NAPG: variants seen among roughly 807,000 people sequenced by gnomAD.
The protein encoded by NAPG is gamma-soluble NSF attachment protein.
In NAPG, 25 loss-of-function variants were observed where a neutral mutation model predicts 48.4. That is an observed-to-expected ratio of 0.52 (90% confidence interval 0.38 to 0.72). NAPG has a LOEUF of 0.72. Ranked by LOEUF, NAPG falls within the 30% of genes least tolerant of loss-of-function variation. The pLI, the probability that NAPG is intolerant of heterozygous loss-of-function variation, is 0.00. For missense variants in NAPG, 359 were observed against 372.5 expected, an observed-to-expected ratio of 0.96 and a Z score of 0.30; for synonymous variants, 139 against 127.2, an observed-to-expected ratio of 1.09 and a Z score of -0.62.
At position 10,544,940 on chromosome 18, in the gene NAPG, AGC is replaced by A. The variant is rs1344508368; in HGVS notation, c.507-1385_507-1384del. 1.3e-5 allele frequency among the ~76,000 whole-genome samples: 2 copies of A among 152,174 alleles called. No homozygotes were observed. The highest frequency in any genetic ancestry group is 2.4e-5 in the African/African-American group (1 of 41,438). On this transcript the variant is annotated intron_variant, in intron 8 of 11. Coordinates refer to ENST00000322897, the MANE Select transcript of NAPG (RefSeq NM_003826.3). This position sits in a 1 kb window ranked among gnomAD's most constrained non-coding sequence, Gnocchi z 5.1. Reference sequence around the variant, plus strand: ...ATTCAGTTTAACTCATGATGTAAGTAGCCATAATAGCATAAGCCAAGCCACTG... The same window carrying A: ...ATTCAGTTTAACTCATGATGTAAGTACATAATAGCATAAGCCAAGCCACTG...
At chr18:10,536,878 G>A (rs1253207886) in intron 5 of NAPG, among the ~76,000 whole-genome samples, 1 of 152,060 alleles carries the variant, frequency 6.6e-6, no homozygotes, top group Non-Finnish European at 1.5e-5. Flanking sequence ...AACTACCCAA[G>A]GGTTGGGATG....
chr18:10,527,401 A>C (rs545196858), intron 1 of NAPG, among the ~76,000 whole-genome samples: 1 of 152,170 alleles, frequency 6.6e-6, no homozygotes, highest in African/African-American at 2.4e-5. Context: ...CAAACAGTGG[A>C]AAAACTCAAG....
At chr18:10,537,043 A>G (rs1416962059) in intron 5 of NAPG, among the ~76,000 whole-genome samples, 2 of 151,468 alleles carry the variant, frequency 1.3e-5, no homozygotes, top group African/African-American at 4.9e-5. Context: ...TGCAGCCTCA[A>G]CCTCCTGGGC....
rs1407080124 is a variant in NAPG at position 10,548,806 on chromosome 18, G to A, written c.666-161G>A. ...TCCTGTGCACTGTAGGCTGGTTAGC[G>A]GGATCCCCGGTCTCTGCCCTCTAGA... On this transcript the variant is annotated intron_variant, in intron 10 of 11. Coordinates refer to ENST00000322897, the MANE Select transcript of NAPG (RefSeq NM_003826.3). This position sits in a 1 kb window ranked among gnomAD's most constrained non-coding sequence, Gnocchi z 4.4. 2.0e-5 allele frequency among the ~76,000 whole-genome samples: 3 copies of A among 151,984 alleles called. No individual in the cohort carries two copies. The highest frequency in any genetic ancestry group is 2.9e-5 in the Non-Finnish European group (2 of 67,986).
At chr18:10,537,096 A>G (rs1320266804) in intron 5 of NAPG, among the ~76,000 whole-genome samples, 2 of 152,002 alleles carry the variant, frequency 1.3e-5, no homozygotes, top group Non-Finnish European at 2.9e-5. Flanking sequence ...AGCTGGGACT[A>G]TAGGTGCATG....
chr18:10,545,237 G>A (rs1007226350), intron 8 of NAPG, among the ~76,000 whole-genome samples: 3 of 152,104 alleles, frequency 2.0e-5, no homozygotes, highest in South Asian at 2.1e-4. Context: ...ACTTGAACCC[G>A]GGAGGCAGAG....
Position 10,526,246 on chromosome 18 carries a change from G to GGGGGGGGGGCC in NAPG, c.56+88_56+89insGGGGGGGGGCC. 1.4e-5 allele frequency: 7 copies of GGGGGGGGGGCC among 490,172 alleles called. No individual in the cohort carries two copies. In the East Asian group the frequency reaches 1.7e-4, roughly 12 times the overall value. 30.4% of individuals were successfully genotyped at this position (490,172 alleles called of 1,614,324 possible). On this transcript the variant is annotated intron_variant, in intron 1 of 11. Transcript: ENST00000322897. ...CTTAGCACCCGGGGGGGGCGGGAGG[G>GGGGGGGGGGCC]AGGGCTCAGGGCTGAGGGGCCTCGG...
chr18:10,532,357 C>G (rs1383713844), intron 2 of NAPG, among the ~76,000 whole-genome samples: 2 of 152,106 alleles, frequency 1.3e-5, no homozygotes, highest in African/African-American at 4.8e-5. Context: ...AAAGGTAAAA[C>G]TGGTGAAGTA....
chr18:10,545,885 G>C (rs560687999), intron 8 of NAPG, among the ~76,000 whole-genome samples: 1 of 152,354 alleles, frequency 6.6e-6, no homozygotes, highest in African/African-American at 2.4e-5. Context: ...TAGGGCCACT[G>C]GGGCAGCAGC....
At chr18:10,549,868 T>C (rs2032349991) in intron 11 of NAPG, among the ~76,000 whole-genome samples, 1 of 152,188 alleles carries the variant, frequency 6.6e-6, no homozygotes, top group Admixed American at 6.5e-5. Context: ...AAAAAAAATT[T>C]ATAATTGAAA....
Position 10,539,652 on chromosome 18 carries a change from A to G in NAPG, c.259-110A>G, listed in dbSNP as rs1174650710. ...TATGTAACAAACCTGCACATTCTGC[A>G]CATGTGTCCCAGAACTTAAAATAAA... On this transcript the variant is annotated intron_variant, in intron 5 of 11. Coordinates refer to ENST00000322897, the MANE Select transcript of NAPG (RefSeq NM_003826.3). The surrounding 1 kb of genome is among the most constrained non-coding windows in gnomAD (Gnocchi z 4.7). 1 of 860,686 alleles carries G rather than the reference A, an allele frequency of 1.2e-6. No homozygotes were observed. The highest frequency in any genetic ancestry group is 2.6e-5 in the East Asian group (1 of 37,860). The allele number at this position is 860,686 out of a possible 1,614,324, so 53.3% of individuals were successfully genotyped here.
rs2032274321 is a variant in NAPG, at chr18:10,546,722, C to T, written c.585+318C>T. On this transcript the variant is annotated intron_variant, in intron 9 of 11. Coordinates refer to ENST00000322897, the MANE Select transcript of NAPG (RefSeq NM_003826.3). This position sits in a 1 kb window ranked among gnomAD's most constrained non-coding sequence, Gnocchi z 4.0. ...GAGTTTCTCGGGTTTTTTTCCATTT[C>T]CTCTTGCAGCATTCATTGCCCTGCC... is the stretch of plus-strand genomic sequence containing the variant. 1.3e-5 allele frequency among the ~76,000 whole-genome samples: 2 copies of T among 152,182 alleles called. No individual in the cohort carries two copies. The highest frequency in any genetic ancestry group is 4.8e-5 in the African/African-American group (2 of 41,454).
At chr18:10,547,770 C>T (rs2143147695) in intron 9 of NAPG, among the ~76,000 whole-genome samples, 1 of 152,272 alleles carries the variant, frequency 6.6e-6, no homozygotes, top group East Asian at 1.9e-4. Flanking sequence ...AGTAATTTAT[C>T]AGTCATATCC....
rs975467801 is a variant in NAPG at position 10,548,201 on chromosome 18, G to C, written c.586-98G>C. On this transcript the variant is annotated intron_variant, in intron 9 of 11. Transcript: ENST00000322897. This position sits in a 1 kb window ranked among gnomAD's most constrained non-coding sequence, Gnocchi z 4.4. ...ATAAATCTCTGTTTATACAAACAAA[G>C]ACTCTGAAAGTTAAACTCCAGGTGT... The C allele has an allele frequency of 9.0e-5, 74 of 822,568 alleles. No homozygotes were observed. In the African/African-American group the frequency reaches 1.2e-3, roughly 13 times the overall value. 51.0% of individuals were successfully genotyped at this position (822,568 alleles called of 1,614,324 possible).
intron 5 of NAPG, among the ~76,000 whole-genome samples, chr18:10,536,319 C>T (rs1335548467): frequency 6.6e-6 from 1 of 152,188 alleles, no homozygotes; most frequent in Non-Finnish European, 1.5e-5. Flanking sequence ...CCCTGAGCTA[C>T]GTGGTCCACA....
At position 10,539,726 on chromosome 18, in the gene NAPG, A is replaced by G. The variant is rs1202176922; in HGVS notation, c.259-36A>G. 9 of 1,497,290 alleles carry G rather than the reference A, an allele frequency of 6.0e-6. No individual in the cohort carries two copies. In the Middle Eastern group the frequency reaches 5.2e-4, roughly 86 times the overall value. 92.8% of individuals were successfully genotyped at this position (1,497,290 alleles called of 1,614,324 possible). A position where few individuals can be genotyped will look rare whatever the true frequency, so the allele number is the denominator to read the frequency against. ...AACTCTGTTTTTCTTTAATTGATGC[A>G]TTTGCTGACCTGTCTACTGTATCCT... On this transcript the variant is annotated intron_variant, in intron 5 of 11. Coordinates refer to ENST00000322897, the MANE Select transcript of NAPG (RefSeq NM_003826.3). This position sits in a 1 kb window ranked among gnomAD's most constrained non-coding sequence, Gnocchi z 4.7.
rs1291830710 is a variant in NAPG at position 10,543,011 on chromosome 18, C to G, written c.506+2612C>G. Among the ~76,000 whole-genome samples, 1 of 151,878 alleles carries G rather than the reference C, an allele frequency of 6.6e-6. No homozygotes were observed. The highest frequency in any genetic ancestry group is 1.5e-5 in the Non-Finnish European group (1 of 67,984). On this transcript the variant is annotated intron_variant, in intron 8 of 11. Transcript: ENST00000322897. The surrounding 1 kb of genome is among the most constrained non-coding windows in gnomAD (Gnocchi z 4.4). The stretch of plus-strand genomic sequence containing the variant: ...TTAGCCTTGGCCAAATGGTGAAACT[C>G]CTTCTCTACTAAAAATACAAAAAGT...
chr18:10,531,265 G>A (rs2143094703), intron 2 of NAPG, among the ~76,000 whole-genome samples: 1 of 152,222 alleles, frequency 6.6e-6, no homozygotes, highest in Non-Finnish European at 1.5e-5. Flanking sequence ...GGTATTTTAT[G>A]TCTTTTATGA....
In NAPG at chr18:10,541,740, G is replaced by A. The variant is rs144826397; in HGVS notation, c.506+1341G>A. ...TAAGCCCCTTACTATAAGACCCCAT[G>A]GAAGGTGAAGGAAGTGAAGTTGCAG... On this transcript the variant is annotated intron_variant, in intron 8 of 11. Coordinates refer to ENST00000322897, the MANE Select transcript of NAPG (RefSeq NM_003826.3). Among the ~76,000 whole-genome samples the A allele has an allele frequency of 2.0e-3, 308 of 152,274 alleles. 2 individuals carry two copies. Among genetic ancestry groups the A allele is most frequent in the African/African-American group, 7.1e-3 (296 of 41,548 alleles).
Sources: gnomAD v4.1 joint callset for allele counts (sites outside exome capture counted in the v4.1 genomes callset) on GRCh38, gnomAD v4.1.1 for gene constraint, Gnocchi (gnomAD v3.1) non-coding constraint, MANE v1.5 for transcripts, NCBI Gene and HGNC (gene_info 2026-07-23, HGNC 2026-07-21) for gene names.